The following COL1A2 variants were observed in gnomAD, a reference collection of about 807,000 sequenced individuals.
The protein encoded by COL1A2 is collagen type I alpha 2 chain.
In COL1A2, 49 loss-of-function variants were observed where a neutral mutation model predicts 174.3. The observed-to-expected ratio is 0.28, with a 90% CI of 0.22 to 0.36. The LOEUF (loss-of-function observed/expected upper bound fraction) is 0.36, where lower values mean the gene tolerates loss of function less well. Ranked by LOEUF, COL1A2 falls within the 10% of genes least tolerant of loss-of-function variation. The pLI, the probability that COL1A2 is intolerant of heterozygous loss-of-function variation, is 1.00. For missense variants in COL1A2, 1,438 were observed against 1,822.7 expected, an observed-to-expected ratio of 0.79 and a Z score of 3.84; for synonymous variants, 655 against 606.6, an observed-to-expected ratio of 1.08 and a Z score of -1.17.
At chr7:94,426,636 ATCCAT>A (rs1792284532) in intron 46 of COL1A2, 106 bp downstream of exon 46, 5 of 894,648 alleles carry the variant, frequency 5.6e-6, no homozygotes, top group Non-Finnish European at 9.1e-6. Context: ...CCTATATAAT[ATCCAT>A]TTCCCATTCT....
intron 16 of COL1A2, 151 bp from the exon 17 acceptor site, chr7:94,409,171 A>T: frequency 1.2e-6 from 1 of 833,192 alleles, no homozygotes; most frequent in Non-Finnish European, 2.0e-6. Flanking sequence ...AAAATAGGAA[A>T]CCAAACTCAA....
At chr7:94,403,382 A>G (rs1055611448) in intron 6 of COL1A2, among the ~76,000 whole-genome samples, 3 of 152,210 alleles carry the variant, frequency 2.0e-5, no homozygotes, top group Admixed American at 6.5e-5. Context: ...ATCAATAACT[A>G]TAAAACCCCA....
rs781172610 is a variant in COL1A2 at position 94,415,714 on chromosome 7, A to C, written c.1764+444A>C. On this transcript the variant is annotated intron_variant, in intron 30 of 51. Coordinates refer to ENST00000297268, the MANE Select transcript of COL1A2 (RefSeq NM_000089.4). ...GGGTATTAGCATCACTGAAATGATTAATTTGCCCTGAAAGTATTCCATCAT... is the reference window on the plus strand; with the variant it reads ...GGGTATTAGCATCACTGAAATGATTCATTTGCCCTGAAAGTATTCCATCAT... Among the ~76,000 whole-genome samples, 85 of 152,198 alleles carry C rather than the reference A, an allele frequency of 5.6e-4. 1 individual carries two copies. The highest frequency in any genetic ancestry group is 1.0e-3 in the Admixed American group (16 of 15,272).
intron 28 of COL1A2, 25 bp from the exon 29 acceptor site, chr7:94,414,197 G>A: frequency 1.2e-6 from 2 of 1,613,582 alleles, no homozygotes; most frequent in Non-Finnish European, 1.7e-6. Flanking sequence ...ATGGGATTGA[G>A]ATTTGTATTT....
chr7:94,420,820 A>C (rs1202610381), intron 37 of COL1A2, 172 bp downstream of exon 37: 1 of 892,412 alleles, frequency 1.1e-6, no homozygotes, highest in Non-Finnish European at 1.8e-6. Flanking sequence ...AGTTTCATGA[A>C]TATTGTTTTA....
At chr7:94,407,117 G>A (rs746673050) in intron 12 of COL1A2, among the ~76,000 whole-genome samples, 19 of 152,094 alleles carry the variant, frequency 1.2e-4, no homozygotes, top group African/African-American at 3.6e-4. Context: ...CTGAGGCTTC[G>A]TGAGAGCAAT....
intron 10 of COL1A2, 38 bp downstream of exon 10, chr7:94,405,290 T>C (rs766176209): frequency 5.0e-6 from 8 of 1,586,026 alleles, no homozygotes; most frequent in East Asian, 4.5e-5. Flanking sequence ...ACAAACATCA[T>C]AGGCCTATAA....
rs1042209197 is a variant in COL1A2 at position 94,397,856 on chromosome 7, C to T, written c.81+98C>T. 1.8e-5 allele frequency: 13 copies of T among 717,724 alleles called. No homozygotes were observed. The Admixed American group carries it at 2.0e-4, about 11-fold the overall frequency. 44.5% of individuals were successfully genotyped at this position (717,724 alleles called of 1,614,324 possible). On this transcript the variant is annotated intron_variant, in intron 2 of 51. Transcript: ENST00000297268. ...AGGGAAGAAGTTACATTAATATTGA[C>T]CATCCTAGATTCCCAAGAAAATTGT...
intron 2 of COL1A2, 46 bp downstream of exon 2, chr7:94,397,804 T>G: frequency 9.0e-7 from 1 of 1,116,724 alleles, no homozygotes; most frequent in Non-Finnish European, 1.3e-6. Context: ...TTTGATTCCC[T>G]TGGCTACAGT....
intron 6 of COL1A2, among the ~76,000 whole-genome samples, chr7:94,402,706 A>G (rs530870484): frequency 2.6e-5 from 4 of 152,256 alleles, no homozygotes; most frequent in Middle Eastern, 3.4e-3. Flanking sequence ...ACACACACGC[A>G]ATTTAGTGAT....
intron 40 of COL1A2, chr7:94,423,374 C>T: frequency 2.1e-6 from 1 of 484,812 alleles, no homozygotes; most frequent in East Asian, 4.1e-5. Flanking sequence ...TTGAAGGCAC[C>T]TTACTGGTAC....
intron 3 of COL1A2, among the ~76,000 whole-genome samples, chr7:94,398,777 T>C (rs1282340463): frequency 5.9e-5 from 9 of 152,098 alleles, no homozygotes; most frequent in Admixed American, 5.9e-4. Flanking sequence ...TAATCTACAG[T>C]TATCATCTTA....
intron 38 of COL1A2, 33 bp from the exon 39 acceptor site, chr7:94,421,866 T>C: frequency 6.3e-7 from 1 of 1,597,590 alleles, no homozygotes; most frequent in African/African-American, 1.3e-5. Flanking sequence ...GAGTTGATGT[T>C]GACTGTGGAA....
chr7:94,397,855 A>G (rs1584312054), intron 2 of COL1A2, 97 bp downstream of exon 2: 1 of 721,004 alleles, frequency 1.4e-6, no homozygotes, highest in Non-Finnish European at 2.4e-6. Context: ...ATTAATATTG[A>G]CCATCCTAGA....
At chr7:94,423,294 C>A in intron 40 of COL1A2, 176 bp downstream of exon 40, 1 of 706,174 alleles carries the variant, frequency 1.4e-6, no homozygotes, top group Non-Finnish European at 2.4e-6. Flanking sequence ...TTCCAAGATG[C>A]TCAGAAAGCA....
In COL1A2 at chr7:94,426,070, T is replaced by C. The variant is rs775426748; in HGVS notation, c.2997+19T>C. ...TCCTAGTGTATGTACATGCTGAAGA[T>C]TTCTTTGCAACACTAACATTTAGAG... is the stretch of plus-strand genomic sequence containing the variant. On this transcript the variant is annotated intron_variant, in intron 45 of 51. Transcript: ENST00000297268. The C allele has an allele frequency of 3.7e-6, 6 of 1,608,738 alleles. No homozygotes were observed. In the East Asian group the frequency reaches 1.1e-4, roughly 30 times the overall value.
chr7:94,420,858 G>T (rs1792145295), intron 37 of COL1A2, 151 bp from the exon 38 acceptor site: 1 of 896,438 alleles, frequency 1.1e-6, no homozygotes, highest in Non-Finnish European at 1.8e-6. Flanking sequence ...CCTCATAAGG[G>T]TGGTAATATT....
chr7:94,424,891 CTT>C, intron 41 of COL1A2: 1 of 573,818 alleles, frequency 1.7e-6, no homozygotes, highest in Non-Finnish European at 3.1e-6. Flanking sequence ...ACGAGGCTCA[CTT>C]TTTACAGAGC....
intron 12 of COL1A2, 85 bp downstream of exon 12, chr7:94,406,388 T>C (rs970486090): frequency 8.6e-7 from 1 of 1,168,220 alleles, no homozygotes. Context: ...TACTGAAGAC[T>C]ACCCATATTA....
Sources: allele counts gnomAD v4.1 joint callset (sites outside exome capture counted in the v4.1 genomes callset), GRCh38; gene constraint gnomAD v4.1.1; transcripts MANE v1.5; gene names NCBI Gene and HGNC (gene_info 2026-07-23, HGNC 2026-07-21).